ZZEF1: variants seen among roughly 807,000 people sequenced by gnomAD.
ZZEF1 encodes the protein zinc finger ZZ-type and EF-hand domain containing 1.
Under a neutral mutation model 342.8 loss-of-function variants are expected in ZZEF1, and 157 were observed. The ratio of observed to expected loss-of-function variants is 0.46; its 90% CI spans 0.40 to 0.52. The LOEUF is 0.52. Ranked by LOEUF, ZZEF1 falls within the 20% of genes least tolerant of loss-of-function variation. The pLI is 0.00. For synonymous variants in ZZEF1, 1,505 were observed against 1,429.1 expected, an observed-to-expected ratio of 1.05 and a Z score of -1.20; for missense variants, 3,480 against 3,725.6, an observed-to-expected ratio of 0.93 and a Z score of 1.72.
At chr17:4,141,969 A>G (rs1457523494) in intron 1 of ZZEF1, among the ~76,000 whole-genome samples, 1 of 152,246 alleles carries the variant, frequency 6.6e-6, no homozygotes, top group Non-Finnish European at 1.5e-5. Flanking sequence ...TTTGCCTATC[A>G]GTTTCGGATC....
rs200687288 is a variant in ZZEF1, at chr17:4,050,782, T to C, written c.5862A>G (p.Lys1954=). ...GDCLMKAHQG[K]GLKALALLGV... ...GGTTTCTGTGCATTGGGAAGTCACC[T>C]TTTCCCTGATGAGCCTTCATCAGAC... The change falls in exon 36 of 55, where the codon AAA becomes AAG. Residue 1954 remains lysine (K), a splice_region_variant and synonymous_variant. Coordinates refer to ENST00000381638, the MANE Select transcript of ZZEF1 (RefSeq NM_015113.4). The C allele has an allele frequency of 1.4e-5, 23 of 1,613,472 alleles. No individual in the cohort carries two copies. The highest frequency in any genetic ancestry group is 1.9e-5 in the Non-Finnish European group (22 of 1,180,010).
At chr17:4,023,293 C>A (rs1488105778) in intron 43 of ZZEF1, among the ~76,000 whole-genome samples, 1 of 152,102 alleles carries the variant, frequency 6.6e-6, no homozygotes, top group African/African-American at 2.4e-5. Context: ...TCTCGCAGGC[C>A]CCCTGTTGTC....
chr17:4,067,217 C>G lies in ZZEF1; in HGVS notation c.4101G>C (p.Leu1367=). Residue 1367 remains leucine, a synonymous_variant, in exon 27 of 55, where the codon CTG becomes CTC. Transcript: ENST00000381638. ...AATAAACCTGGGCAAACTCTTCACT[C>G]AGGGCTATTTTGCCCCCACTGTTGA... ...KYVNSGGKIA[L]SEEFAQVYSL... is the part of the protein sequence containing the mutation. The G allele has an allele frequency of 6.2e-7, 1 of 1,613,466 alleles. No individual in the cohort carries two copies. Among genetic ancestry groups the G allele is most frequent in the Non-Finnish European group, 8.5e-7 (1 of 1,179,780 alleles).
At position 4,014,315 on chromosome 17, in the gene ZZEF1, G is replaced by A. The variant is rs2056044443; in HGVS notation, c.8314+32C>T. 1.2e-6 allele frequency: 2 copies of A among 1,613,690 alleles called. No homozygotes were observed. The highest frequency in any genetic ancestry group is 1.7e-6 in the Non-Finnish European group (2 of 1,179,688). Reference sequence around the variant, plus strand: ...ATTAAGTTTAAACACTGCCTGTGAAGAACCTATCTAATCGAGTATTTGTTT... The same window carrying A: ...ATTAAGTTTAAACACTGCCTGTGAAAAACCTATCTAATCGAGTATTTGTTT... On this transcript the variant is annotated intron_variant, in intron 50 of 54. Coordinates refer to ENST00000381638, the MANE Select transcript of ZZEF1 (RefSeq NM_015113.4). The surrounding 1 kb of genome is among the most constrained non-coding windows in gnomAD (Gnocchi z 4.4).
chr17:4,032,130 TTTCCTCTTCCGAGTTTTGA>T lies in ZZEF1; in HGVS notation c.6869_6887del (p.Val2290GlufsTer3). ...AAAAATAATTACGCATGGTACCTGT[TTTCCTCTTCCGAGTTTTGA>T]CATCAACAATCACAGCCCTGTTCTT... On this transcript the variant is annotated frameshift_variant, in exon 42 of 55. Coordinates refer to ENST00000381638, the MANE Select transcript of ZZEF1 (RefSeq NM_015113.4). LOFTEE classifies it high-confidence loss of function. 1 of 1,611,518 alleles carries T rather than the reference TTTCCTCTTCCGAGTTTTGA, an allele frequency of 6.2e-7. No individual in the cohort carries two copies. Among genetic ancestry groups the T allele is most frequent in the Non-Finnish European group, 8.5e-7 (1 of 1,179,342 alleles).
At position 4,006,325 on chromosome 17, in the gene ZZEF1, T is replaced by A. The variant is rs1038000684; in HGVS notation, c.*565A>T. The A allele has an allele frequency of 6.2e-6, 1 of 160,776 alleles. No individual in the cohort carries two copies. The highest frequency in any genetic ancestry group is 2.4e-5 in the African/African-American group (1 of 41,448). The allele number at this position is 160,776 out of a possible 1,614,324, so 10.0% of individuals were successfully genotyped here. On this transcript the variant is annotated 3_prime_UTR_variant, in exon 55 of 55. Coordinates refer to ENST00000381638, the MANE Select transcript of ZZEF1 (RefSeq NM_015113.4). ...CTCCTCAAGGAGTTCTCTGGGAGGG[T>A]GCGGCCGTGCAGGGAGCTAGCTCGA... is the stretch of plus-strand genomic sequence containing the variant.
chr17:4,081,309 G>C, intron 18 of ZZEF1, 67 bp downstream of exon 18: 2 of 1,307,154 alleles, frequency 1.5e-6, no homozygotes, highest in Non-Finnish European at 1.1e-6. Flanking sequence ...GGGGGCACAA[G>C]AGACTGCCAC....
rs773883446 is a variant in ZZEF1, at chr17:4,087,450, T to A, written c.2326A>T (p.Ser776Cys). ...CTGACCTACTTTTGCTTTAATTTAC[T>A]GTAAAAATTCCAGAAGATCTGCAAA... The part of the protein sequence containing the change: ...LDLQIFWNFY[S>C]KLKQNPREEC... Residue 776 changes from serine to cysteine, a missense_variant, in exon 14 of 55, where the codon AGT becomes TGT. Physicochemically the swap from Ser to Cys is moderately radical, Grantham distance 112. Transcript: ENST00000381638. 3.7e-6 allele frequency: 6 copies of A among 1,610,328 alleles called. No individual in the cohort carries two copies. In the East Asian group the frequency reaches 1.1e-4, roughly 30 times the overall value.
At chr17:4,095,703 G>T in intron 11 of ZZEF1, 128 bp downstream of exon 11, 1 of 952,274 alleles carries the variant, frequency 1.1e-6, no homozygotes, top group African/African-American at 1.6e-5. Flanking sequence ...CACTGAGATG[G>T]ATTAGTGGCG....
rs780196861 is a variant in ZZEF1, at chr17:4,088,777, G to A, written c.2142C>T (p.Val714=). ...RPARAEAEQS[V]TCAHCRKDTE... is the part of the protein sequence containing the mutation. ...TGTCCTTTCTGCAGTGTGCACAGGT[G>A]ACGCTCTGTTCTGCTTCTGCTCTTG... The change falls in exon 13 of 55, where the codon GTC becomes GTT. Residue 714 remains valine, a synonymous_variant. Transcript: ENST00000381638. 23 of 1,614,118 alleles carry A rather than the reference G, an allele frequency of 1.4e-5. No individual in the cohort carries two copies. The highest frequency in any genetic ancestry group is 1.9e-5 in the Non-Finnish European group (22 of 1,180,052).
rs2057028749 is a variant in ZZEF1, at chr17:4,050,827, G to A, written c.5817C>T (p.Cys1939=). The A allele has an allele frequency of 1.9e-6, 3 of 1,614,064 alleles. No individual in the cohort carries two copies. The highest frequency in any genetic ancestry group is 1.3e-5 in the African/African-American group (1 of 74,940). The change falls in exon 36 of 55, where the codon TGC becomes TGT. Residue 1939 remains cysteine, a synonymous_variant. Transcript: ENST00000381638. The part of the protein sequence containing the change: ...RSSATTLRSQ[C]MQLVGDCLMK... ...TCAGACAGTCCCCGACGAGCTGCAT[G>A]CACTGGCTCCGCAGGGTGGTGGCAC...
intron 25 of ZZEF1, 101 bp downstream of exon 25, chr17:4,072,507 T>A (rs868184337): frequency 1.4e-6 from 2 of 1,390,286 alleles, no homozygotes; most frequent in South Asian, 1.6e-5. Context: ...AACTGCTTAA[T>A]ACGGGTAGTA....
At chr17:4,033,220 A>C in intron 40 of ZZEF1, 1 of 472,942 alleles carries the variant, frequency 2.1e-6, no homozygotes. Context: ...TGTGTTTCCA[A>C]AAATATCTAT....
intron 44 of ZZEF1, 109 bp downstream of exon 44, chr17:4,022,600 A>G (rs1186703932): frequency 6.6e-7 from 1 of 1,517,066 alleles, no homozygotes; most frequent in African/African-American, 1.4e-5. Flanking sequence ...ACACTGTACT[A>G]AAGGAGTGTG....
chr17:4,036,776 T>TACACAC (rs761229612), intron 39 of ZZEF1, among the ~76,000 whole-genome samples: 2,578 of 99,794 alleles, frequency 0.026, 52 homozygotes, highest in Non-Finnish European at 0.035. Flanking sequence ...ATATATAGAA[T>TACACAC]ACACACACAC....
chr17:4,103,170 T>C (rs1272990477), intron 8 of ZZEF1, among the ~76,000 whole-genome samples: 1 of 152,024 alleles, frequency 6.6e-6, no homozygotes, highest in Non-Finnish European at 1.5e-5. Context: ...GAAAATAACC[T>C]TTCAAAATTT....
chr17:4,027,588 C>T (rs558749427), intron 42 of ZZEF1, among the ~76,000 whole-genome samples: 2 of 142,404 alleles, frequency 1.4e-5, no homozygotes, highest in Admixed American at 7.4e-5. Context: ...AGCCACTGTG[C>T]CCTGCCTTTT....
intron 13 of ZZEF1, 56 bp from the exon 14 acceptor site, chr17:4,087,590 ACTGT>A (rs2057856750): frequency 7.0e-7 from 1 of 1,428,720 alleles, no homozygotes; most frequent in Non-Finnish European, 9.6e-7. Flanking sequence ...TTAGAGAAAT[ACTGT>A]AATGCCTCAT....
chr17:4,047,864 C>A (rs1462964104), intron 37 of ZZEF1, among the ~76,000 whole-genome samples: 1 of 149,444 alleles, frequency 6.7e-6, no homozygotes, highest in East Asian at 2.0e-4. Context: ...TCATTGGAGC[C>A]CAGGAGGTGG....
Sources: gnomAD v4.1 joint callset for allele counts (sites outside exome capture counted in the v4.1 genomes callset) on GRCh38, gnomAD v4.1.1 for gene constraint, Gnocchi (gnomAD v3.1) non-coding constraint, MANE v1.5 for transcripts, NCBI Gene and HGNC (gene_info 2026-07-23, HGNC 2026-07-21) for gene names.